FAM13A: variants seen among roughly 807,000 people sequenced by gnomAD.
FAM13A encodes family with sequence similarity 13 member A.
FAM13A carries 76 observed loss-of-function variants against 129.6 expected under a neutral mutation model. The observed-to-expected ratio is 0.59, with a 90% CI of 0.49 to 0.71. The LOEUF is 0.71. FAM13A is among the 30% of genes least tolerant of loss of function. The probability of loss-of-function intolerance (pLI) is 0.00; values close to 1 mark genes in which losing one functional copy is unlikely to be tolerated. For missense variants in FAM13A, 1,108 were observed against 1,249.3 expected (o/e 0.89, Z 1.70); for synonymous variants, 443 against 449.9 (o/e 0.98, Z 0.20).
At chr4:89,056,046 A>AT (rs1360685780) in intron 1 of FAM13A, among the ~76,000 whole-genome samples, 17 of 152,136 alleles carry the variant, frequency 1.1e-4, no homozygotes, top group African/African-American at 2.4e-5. Context: ...CCTGAGTGTG[A>AT]TTTTTTAAGT....
At chr4:88,973,451 T>C (rs2704576) in intron 4 of FAM13A, among the ~76,000 whole-genome samples, 105,298 of 151,966 alleles carry the variant, frequency 0.69, 36,596 homozygotes, top group Middle Eastern at 0.8. Flanking sequence ...GCCCTTTAAA[T>C]GCATTCTTCA....
chr4:88,757,443 G>A (rs1261162509), intron 14 of FAM13A, among the ~76,000 whole-genome samples: 1 of 151,962 alleles, frequency 6.6e-6, no homozygotes, highest in African/African-American at 2.4e-5. Flanking sequence ...CTTTTTTGGG[G>A]GGAGGTGGGG....
chr4:88,827,218 T>C (rs1733154181), intron 7 of FAM13A, among the ~76,000 whole-genome samples: 1 of 152,260 alleles, frequency 6.6e-6, no homozygotes, highest in Non-Finnish European at 1.5e-5. Flanking sequence ...TCTTTGGTTC[T>C]CTGTGATCTT....
chr4:88,903,442 A>G (rs1037298253), intron 6 of FAM13A, among the ~76,000 whole-genome samples: 7 of 152,102 alleles, frequency 4.6e-5, no homozygotes, highest in Non-Finnish European at 1.0e-4. Flanking sequence ...TAGAATAGAG[A>G]AGTTAGAAAT....
intron 8 of FAM13A, among the ~76,000 whole-genome samples, chr4:88,801,095 G>A (rs1727374300): frequency 6.6e-6 from 1 of 152,012 alleles, no homozygotes; most frequent in Admixed American, 6.6e-5. Context: ...TGTTTGGAAA[G>A]CCATTCCTCA....
intron 7 of FAM13A, among the ~76,000 whole-genome samples, chr4:88,806,156 C>A (rs986027136): frequency 2.6e-4 from 39 of 151,926 alleles, no homozygotes; most frequent in Non-Finnish European, 7.4e-5. Flanking sequence ...GGCCACTCCC[C>A]TCAAATATAT....
In FAM13A at chr4:88,726,782, T is replaced by A. The variant is rs1736556278; in HGVS notation, c.*1751A>T. On this transcript the variant is annotated 3_prime_UTR_variant, in exon 24 of 24. Coordinates refer to ENST00000264344, the MANE Select transcript of FAM13A (RefSeq NM_014883.4). ...GCAATGTAAACAGTAGAGCAAAGAA[T>A]TCCAAACTATATTTTTATGTACATT... is the stretch of plus-strand genomic sequence containing the variant. 6.5e-6 allele frequency: 1 copy of A among 152,690 alleles called. No individual in the cohort carries two copies. Among genetic ancestry groups the A allele is most frequent in the Admixed American group, 6.5e-5 (1 of 15,286 alleles). 9.5% of individuals were successfully genotyped at this position (152,690 alleles called of 1,614,324 possible).
intron 4 of FAM13A, among the ~76,000 whole-genome samples, chr4:88,966,404 G>T (rs1183436865): frequency 6.6e-6 from 1 of 152,106 alleles, no homozygotes; most frequent in Non-Finnish European, 1.5e-5. Flanking sequence ...GTTGGCACCA[G>T]AAAAACTAAA....
chr4:89,018,313 A>C (rs1766788396), intron 3 of FAM13A, among the ~76,000 whole-genome samples: 2 of 152,250 alleles, frequency 1.3e-5, no homozygotes, highest in Admixed American at 1.3e-4. Flanking sequence ...ACGTGCGGAC[A>C]CAGTGAGAAG....
At chr4:88,963,548 T>C (rs1758933868) in intron 4 of FAM13A, among the ~76,000 whole-genome samples, 1 of 152,166 alleles carries the variant, frequency 6.6e-6, no homozygotes, top group African/African-American at 2.4e-5. Context: ...TCCACCTGCC[T>C]CGGCCTCCCA....
intron 4 of FAM13A, among the ~76,000 whole-genome samples, chr4:88,964,034 T>G (rs1759007853): frequency 6.6e-6 from 1 of 152,202 alleles, no homozygotes; most frequent in Admixed American, 6.5e-5. Flanking sequence ...CTCAACAGGT[T>G]TGACTTCATT....
At position 88,799,206 on chromosome 4, in the gene FAM13A, T is replaced by C. The variant is rs540352656; in HGVS notation, c.1049+5805A>G. Among the ~76,000 whole-genome samples the C allele has an allele frequency of 2.5e-4, 38 of 152,344 alleles. No individual in the cohort carries two copies. In the South Asian group the frequency reaches 7.2e-3, roughly 29 times the overall value. ...CTTTGTAGCCATTCCTCAGTTATAC[T>C]GTTGGTCTGGTTCTGTGTAGGCACC... On this transcript the variant is annotated intron_variant, in intron 8 of 23. Coordinates refer to ENST00000264344, the MANE Select transcript of FAM13A (RefSeq NM_014883.4).
chr4:89,034,279 C>A (rs1017934888), intron 1 of FAM13A, among the ~76,000 whole-genome samples: 1 of 152,106 alleles, frequency 6.6e-6, no homozygotes, highest in South Asian at 2.1e-4. Context: ...AGGACAAGAA[C>A]AGACACTTCC....
intron 5 of FAM13A, among the ~76,000 whole-genome samples, chr4:88,928,003 T>A (rs1257376310): frequency 6.6e-6 from 1 of 152,144 alleles, no homozygotes; most frequent in African/African-American, 2.4e-5. Context: ...CTCTTAACAC[T>A]ATTTTTGCTG....
intron 2 of FAM13A, among the ~76,000 whole-genome samples, chr4:89,025,245 G>GTTTTGTTT (rs1767782683): frequency 1.6e-5 from 1 of 61,362 alleles, no homozygotes; most frequent in Non-Finnish European, 3.2e-5. Context: ...TGGAATCATT[G>GTTTTGTTT]TTTTTTTTTT....
chr4:88,974,849 G>A (rs184403229), intron 4 of FAM13A, among the ~76,000 whole-genome samples: 1 of 152,242 alleles, frequency 6.6e-6, no homozygotes, highest in African/African-American at 2.4e-5. Flanking sequence ...TGAAATACAA[G>A]CTAGTTCTCG....
chr4:89,055,124 A>C (rs1241007826), intron 1 of FAM13A, among the ~76,000 whole-genome samples: 1 of 152,214 alleles, frequency 6.6e-6, no homozygotes, highest in Non-Finnish European at 1.5e-5. Context: ...AGGGCAGAGG[A>C]AAAGCTTTCT....
At chr4:88,741,772 A>G (rs914268626) in intron 19 of FAM13A, among the ~76,000 whole-genome samples, 2 of 152,210 alleles carry the variant, frequency 1.3e-5, no homozygotes, top group Non-Finnish European at 2.9e-5. Context: ...CAATCAGTAT[A>G]ATGCAAATAT....
intron 7 of FAM13A, among the ~76,000 whole-genome samples, chr4:88,818,587 C>G (rs1427997403): frequency 6.6e-6 from 1 of 152,118 alleles, no homozygotes; most frequent in African/African-American, 2.4e-5. Context: ...TATTTGGGCT[C>G]CATGGGTAAT....
Sources: allele counts gnomAD v4.1 joint callset (sites outside exome capture counted in the v4.1 genomes callset), GRCh38; gene constraint gnomAD v4.1.1; transcripts MANE v1.5; gene names NCBI Gene and HGNC (gene_info 2026-07-23, HGNC 2026-07-21).